Variants in GRID1 observed in about 807,000 individuals in gnomAD.
GRID1 encodes glutamate ionotropic receptor delta type subunit 1.
A neutral mutation model predicts 98.0 loss-of-function variants in GRID1; 28 were observed. That is an observed-to-expected ratio of 0.29 (90% CI 0.21 to 0.39). GRID1 has a LOEUF of 0.39. Ranked by LOEUF, GRID1 falls within the 10% of genes least tolerant of loss-of-function variation. The pLI, the probability that GRID1 is intolerant of heterozygous loss-of-function variation, is 1.00. For synonymous variants in GRID1, 553 were observed against 538.5 expected, an observed-to-expected ratio of 1.03 and a Z score of -0.37; for missense variants, 1,111 against 1,340.5, an observed-to-expected ratio of 0.83 and a Z score of 2.67.
intron 12 of GRID1, among the ~76,000 whole-genome samples, chr10:85,712,672 C>G (rs1392923561): frequency 6.6e-6 from 1 of 151,696 alleles, no homozygotes; most frequent in Non-Finnish European, 1.5e-5. Flanking sequence ...ACCTGTTAGA[C>G]CACAAAACAA....
chr10:85,781,705 T>C (rs1842382692), intron 8 of GRID1, among the ~76,000 whole-genome samples: 1 of 152,074 alleles, frequency 6.6e-6, no homozygotes, highest in Admixed American at 6.5e-5. Flanking sequence ...GCTGGCCTCA[T>C]GTTGGGCATT....
At chr10:86,361,308 C>A (rs973547255) in intron 2 of GRID1, among the ~76,000 whole-genome samples, 1 of 152,152 alleles carries the variant, frequency 6.6e-6, no homozygotes. Context: ...TGCAAGGTCA[C>A]AAGATAACAA....
chr10:85,703,907 C>G (rs908479666), intron 12 of GRID1, among the ~76,000 whole-genome samples: 4 of 152,068 alleles, frequency 2.6e-5, no homozygotes, highest in African/African-American at 9.7e-5. Context: ...CTTTCAGGAA[C>G]TCTTTAGGGC....
rs976904088 is a variant in GRID1 at position 85,916,771 on chromosome 10, G to A, written c.727-532C>T. The stretch of plus-strand genomic sequence containing the variant: ...CAAAGCTCTTTGTAGCTCCTGGGCC[G>A]TAGCCCCATCCCGTAACTCTCTATT... On this transcript the variant is annotated intron_variant, in intron 4 of 15. Coordinates refer to ENST00000327946, the MANE Select transcript of GRID1 (RefSeq NM_017551.3). The surrounding 1 kb of genome is among the most constrained non-coding windows in gnomAD (Gnocchi z 4.0). 9.9e-5 allele frequency among the ~76,000 whole-genome samples: 15 copies of A among 152,208 alleles called. No homozygotes were observed. Among genetic ancestry groups the A allele is most frequent in the Admixed American group, 2.0e-4 (3 of 15,288 alleles).
intron 4 of GRID1, among the ~76,000 whole-genome samples, chr10:86,084,226 C>T (rs995408199): frequency 2.6e-5 from 4 of 151,884 alleles, no homozygotes; most frequent in Admixed American, 6.5e-5. Flanking sequence ...TGAGCACCAC[C>T]GAAGACTTCC....
intron 13 of GRID1, chr10:85,644,233 A>G (rs1843159033): frequency 6.6e-6 from 1 of 152,302 alleles, no homozygotes; most frequent in South Asian, 2.1e-4. Context: ...CAGGATACCC[A>G]TACATTTCTC....
intron 2 of GRID1, among the ~76,000 whole-genome samples, chr10:86,253,480 G>C (rs1344481712): frequency 6.6e-6 from 1 of 152,188 alleles, no homozygotes; most frequent in Non-Finnish European, 1.5e-5. Context: ...ATTACTGAAG[G>C]CCAGCATGAA....
chr10:85,698,803 C>G (rs968886178), intron 12 of GRID1, among the ~76,000 whole-genome samples: 4 of 152,206 alleles, frequency 2.6e-5, no homozygotes, highest in Non-Finnish European at 5.9e-5. Context: ...ATGTCCTCAC[C>G]AGCATTTGGT....
At chr10:86,232,793 G>A (rs928312629) in intron 2 of GRID1, among the ~76,000 whole-genome samples, 20 of 151,834 alleles carry the variant, frequency 1.3e-4, no homozygotes, top group Admixed American at 1.2e-3. Context: ...TTTAAGAAAC[G>A]ACTGCATTTT....
At chr10:86,225,400 C>T (rs1846324585) in intron 2 of GRID1, among the ~76,000 whole-genome samples, 1 of 152,216 alleles carries the variant, frequency 6.6e-6, no homozygotes, top group Non-Finnish European at 1.5e-5. Context: ...GTACTCAAGG[C>T]TGAGAATTAC....
chr10:85,882,441 C>T (rs1374591744), intron 5 of GRID1, among the ~76,000 whole-genome samples: 1 of 152,120 alleles, frequency 6.6e-6, no homozygotes, highest in Non-Finnish European at 1.5e-5. Context: ...TACTATGCAG[C>T]CATAAAAATG....
At chr10:85,753,195 T>A (rs192203086) in intron 8 of GRID1, among the ~76,000 whole-genome samples, 1 of 152,350 alleles carries the variant, frequency 6.6e-6, no homozygotes, top group East Asian at 1.9e-4. Context: ...ATTCTGTGTA[T>A]CTTTAATGTT....
intron 12 of GRID1, among the ~76,000 whole-genome samples, chr10:85,649,001 T>C (rs1043689074): frequency 6.6e-6 from 1 of 152,204 alleles, no homozygotes; most frequent in Non-Finnish European, 1.5e-5. Context: ...AATATTTTAA[T>C]AATGGAGATA....
chr10:85,893,109 C>G (rs1000469748), intron 5 of GRID1, among the ~76,000 whole-genome samples: 3 of 152,004 alleles, frequency 2.0e-5, no homozygotes, highest in African/African-American at 7.2e-5. Context: ...TAGTTCTCCA[C>G]CCTAACAGAA....
At chr10:86,172,929 C>T (rs935026623) in intron 3 of GRID1, among the ~76,000 whole-genome samples, 2 of 152,168 alleles carry the variant, frequency 1.3e-5, no homozygotes, top group African/African-American at 4.8e-5. Flanking sequence ...CAGTTGTTAC[C>T]ACCTACACCT....
At chr10:85,988,112 C>T (rs1157992110) in intron 4 of GRID1, among the ~76,000 whole-genome samples, 1 of 152,168 alleles carries the variant, frequency 6.6e-6, no homozygotes, top group Non-Finnish European at 1.5e-5. Flanking sequence ...TCATCCCTCA[C>T]AACTCAGCTC....
chr10:86,287,069 C>A (rs934942423), intron 2 of GRID1, among the ~76,000 whole-genome samples: 1 of 152,104 alleles, frequency 6.6e-6, no homozygotes, highest in African/African-American at 2.4e-5. Flanking sequence ...AGAGCAGGAC[C>A]CTAAAGGCTG....
At chr10:86,304,962 T>C (rs985717063) in intron 2 of GRID1, among the ~76,000 whole-genome samples, 1 of 152,162 alleles carries the variant, frequency 6.6e-6, no homozygotes, top group African/African-American at 2.4e-5. Context: ...TTCTAGGCTA[T>C]GGGGGCCAGT....
intron 8 of GRID1, among the ~76,000 whole-genome samples, chr10:85,767,521 A>AGATAG (rs1221382899): frequency 6.6e-6 from 1 of 152,234 alleles, no homozygotes; most frequent in East Asian, 1.9e-4. Context: ...TTAAATGAAT[A>AGATAG]GATAGACAAA....
Sources: allele counts gnomAD v4.1 joint callset (sites outside exome capture counted in the v4.1 genomes callset), GRCh38; gene constraint gnomAD v4.1.1; non-coding constraint Gnocchi (gnomAD v3.1); transcripts MANE v1.5; gene names NCBI Gene and HGNC (gene_info 2026-07-23, HGNC 2026-07-21).